Variants in SYK observed in about 807,000 individuals in gnomAD.
SYK encodes the protein tyrosine-protein kinase SYK.
A neutral mutation model predicts 77.8 loss-of-function variants in SYK; 16 were observed. The observed-to-expected ratio is 0.21, with a 90% confidence interval of 0.14 to 0.31. The LOEUF (loss-of-function observed/expected upper bound fraction) is 0.31. Ranked by LOEUF, SYK falls within the 10% of genes least tolerant of loss-of-function variation. SYK has a pLI of 1.00. For missense variants in SYK, 529 were observed against 814.4 expected (o/e 0.65, Z 4.26); for synonymous variants, 312 against 308.7 (o/e 1.01, Z -0.11).
rs180766702 is a variant in SYK, at chr9:90,815,348, C to T, written c.-42+13455C>T. Among the ~76,000 whole-genome samples the T allele has an allele frequency of 3.1e-4, 47 of 152,356 alleles. 1 individual carries two copies. Among genetic ancestry groups the T allele is most frequent in the South Asian group, 4.1e-4 (2 of 4,830 alleles). The stretch of plus-strand genomic sequence containing the variant: ...GAGCCTTCTGAGGCACCCCAGTGAG[C>T]AGAGGTGGGGTCCTGCCACTGGCCC... On this transcript the variant is annotated intron_variant, in intron 1 of 13. Transcript: ENST00000375754.
chr9:90,844,223 C>T lies in SYK; in HGVS notation c.325C>T (p.Arg109Trp), dbSNP rs1303320502. 2 of 1,614,214 alleles carry T rather than the reference C, an allele frequency of 1.2e-6. No individual in the cohort carries two copies. Among genetic ancestry groups the T allele is most frequent in the African/African-American group, 2.7e-5 (2 of 75,074 alleles). Residue 109 changes from arginine (R) to tryptophan (W), a missense_variant, in exon 2 of 14, where the codon CGG becomes TGG. Coordinates refer to ENST00000375754, the MANE Select transcript of SYK (RefSeq NM_003177.7). The part of the protein sequence containing the change: ...LVCLLKKPFN[R>W]PQGVQPKTGP... ...CTGCCTCCTCAAGAAGCCCTTCAAC[C>T]GGCCCCAAGGGGTGCAGCCCAAGAC...
chr9:90,809,348 C>G (rs556394997), intron 1 of SYK, among the ~76,000 whole-genome samples: 1 of 152,320 alleles, frequency 6.6e-6, no homozygotes, highest in South Asian at 2.1e-4. Context: ...AGTGATGCTG[C>G]TGGGATTAGA....
chr9:90,860,636 C>T lies in SYK; in HGVS notation c.579-1570C>T, dbSNP rs187123937. ...AGAACCTAGATATGTGTCCTGTACC[C>T]TGGCCAGCTGCCCTGAGCTGTGGGG... On this transcript the variant is annotated intron_variant, in intron 3 of 13. Transcript: ENST00000375754. Among the ~76,000 whole-genome samples, 20 of 152,310 alleles carry T rather than the reference C, an allele frequency of 1.3e-4. No individual in the cohort carries two copies. In the East Asian group the frequency reaches 1.9e-3, roughly 15 times the overall value.
At chr9:90,882,249 G>A (rs1190311817) in intron 11 of SYK, among the ~76,000 whole-genome samples, 1 of 152,212 alleles carries the variant, frequency 6.6e-6, no homozygotes, top group African/African-American at 2.4e-5. Flanking sequence ...TATTGTTCAT[G>A]ACTTGTAAGA....
intron 7 of SYK, among the ~76,000 whole-genome samples, chr9:90,873,983 G>A (rs1193214210): frequency 6.6e-6 from 1 of 152,176 alleles, no homozygotes; most frequent in Non-Finnish European, 1.5e-5. Flanking sequence ...AGAGTCCCTT[G>A]AGTTGTAGCA....
At position 90,818,134 on chromosome 9, in the gene SYK, T is replaced by C. The variant is rs577813394; in HGVS notation, c.-42+16241T>C. 3.9e-5 allele frequency among the ~76,000 whole-genome samples: 6 copies of C among 152,314 alleles called. 1 individual carries two copies. In the East Asian group the frequency reaches 7.7e-4, roughly 20 times the overall value. ...GCTGCATTGGGCTCCGCTTGTGGCA[T>C]GTTATTGCTCAGGATCGGGGTGCCC... is the stretch of plus-strand genomic sequence containing the variant. On this transcript the variant is annotated intron_variant, in intron 1 of 13. Transcript: ENST00000375754.
At chr9:90,825,248 C>T (rs2118449266) in intron 1 of SYK, among the ~76,000 whole-genome samples, 1 of 152,164 alleles carries the variant, frequency 6.6e-6, no homozygotes, top group Middle Eastern at 3.4e-3. Context: ...AAAAGTAGTC[C>T]ATGTTCGTAC....
intron 1 of SYK, among the ~76,000 whole-genome samples, chr9:90,829,720 T>C (rs572078749): frequency 2.0e-5 from 3 of 152,336 alleles, no homozygotes; most frequent in South Asian, 2.1e-4. Context: ...AACAAGCATA[T>C]TGAATGAATC....
chr9:90,841,120 AGT>A (rs1341275183), intron 1 of SYK, among the ~76,000 whole-genome samples: 1 of 150,022 alleles, frequency 6.7e-6, no homozygotes, highest in Non-Finnish European at 1.5e-5. Flanking sequence ...GTGTGTGTGC[AGT>A]GTGTGTGATG....
intron 3 of SYK, among the ~76,000 whole-genome samples, chr9:90,856,334 T>A (rs1264119348): frequency 6.6e-6 from 1 of 152,252 alleles, no homozygotes; most frequent in Non-Finnish European, 1.5e-5. Context: ...ATCTTGCTAC[T>A]TTTTTCTTCA....
intron 1 of SYK, 116 bp from the exon 2 acceptor site, chr9:90,843,742 C>T: frequency 1.4e-6 from 1 of 708,552 alleles, no homozygotes; most frequent in Middle Eastern, 4.2e-4. Context: ...GAGGGAAGTG[C>T]CTTTGTTCAG....
intron 1 of SYK, among the ~76,000 whole-genome samples, chr9:90,824,374 A>G (rs1825605347): frequency 6.6e-6 from 1 of 152,218 alleles, no homozygotes; most frequent in African/African-American, 2.4e-5. Context: ...AACAGTTTCT[A>G]ATTCATTTTA....
At chr9:90,851,472 T>C (rs969168411) in intron 3 of SYK, among the ~76,000 whole-genome samples, 5 of 152,206 alleles carry the variant, frequency 3.3e-5, no homozygotes, top group African/African-American at 9.7e-5. Context: ...CAGCCGCCTG[T>C]GGCATTTCTG....
intron 1 of SYK, among the ~76,000 whole-genome samples, chr9:90,822,675 C>T (rs1486445987): frequency 6.6e-6 from 1 of 152,198 alleles, no homozygotes; most frequent in Non-Finnish European, 1.5e-5. Context: ...TTTAGGCCCA[C>T]AGGATGAGTC....
rs762634618 is a variant in SYK, at chr9:90,844,185, C to T, written c.287C>T (p.Ser96Phe). Residue 96 changes from serine (S) to phenylalanine (F), a missense_variant, in exon 2 of 14, where the codon TCT (serine) becomes TTT (phenylalanine). Ser to Phe is a radical substitution (Grantham distance 155). Transcript: ENST00000375754. ...CTCTGCCACTACCACTCCCAGGAGT[C>T]TGATGGCCTGGTCTGCCTCCTCAAG... ...ADLCHYHSQESDGLVCLLKKP... is the reference protein window; with the variant it reads ...ADLCHYHSQEFDGLVCLLKKP... The T allele has an allele frequency of 1.2e-6, 2 of 1,614,254 alleles. No individual in the cohort carries two copies. Among genetic ancestry groups the T allele is most frequent in the Admixed American group, 1.7e-5 (1 of 60,032 alleles).
intron 13 of SYK, among the ~76,000 whole-genome samples, chr9:90,889,962 CT>C (rs1316161417): frequency 6.6e-6 from 1 of 152,206 alleles, no homozygotes. Flanking sequence ...TTGGTCCAGC[CT>C]GCAGCTCCCT....
At chr9:90,849,097 G>A (rs915467249) in intron 3 of SYK, among the ~76,000 whole-genome samples, 1 of 152,238 alleles carries the variant, frequency 6.6e-6, no homozygotes, top group African/African-American at 2.4e-5. Flanking sequence ...ACGGCACTGG[G>A]AGGACCCTGC....
intron 11 of SYK, among the ~76,000 whole-genome samples, chr9:90,880,311 A>T (rs1828100539): frequency 6.6e-6 from 1 of 152,062 alleles, no homozygotes; most frequent in African/African-American, 2.4e-5. Flanking sequence ...AGGCAGGCAG[A>T]CTCCACCATC....
chr9:90,854,281 G>A (rs11795405), intron 3 of SYK, among the ~76,000 whole-genome samples: 221 of 152,298 alleles, frequency 1.5e-3, no homozygotes, highest in South Asian at 6.2e-3. Context: ...CTGCTCTGAC[G>A]GCTCACAGCA....
Sources: allele counts gnomAD v4.1 joint callset (sites outside exome capture counted in the v4.1 genomes callset), GRCh38; gene constraint gnomAD v4.1.1; transcripts MANE v1.5; gene names NCBI Gene and HGNC (gene_info 2026-07-23, HGNC 2026-07-21).